The following CEP164 variants were observed in gnomAD, a reference collection of about 807,000 sequenced individuals.
The protein encoded by CEP164 is centrosomal protein of 164 kDa.
Under a neutral mutation model 182.7 loss-of-function variants are expected in CEP164, and 162 were observed. The observed-to-expected ratio is 0.89, with a 90% CI of 0.78 to 1.01. CEP164 has a LOEUF of 1.01. Ranked by LOEUF, CEP164 falls within the 50% of genes least tolerant of loss-of-function variation. CEP164 has a pLI of 0.00. For missense variants in CEP164, 1,735 were observed against 1,790.4 expected (o/e 0.97, Z 0.56); for synonymous variants, 661 against 690.0 (o/e 0.96, Z 0.66).
intron 15 of CEP164, among the ~76,000 whole-genome samples, chr11:117,388,289 T>G (rs1261147454): frequency 6.6e-6 from 1 of 152,246 alleles, no homozygotes; most frequent in Non-Finnish European, 1.5e-5. Context: ...TGGGGAAGAC[T>G]GGCATGCTAG....
At chr11:117,398,347 T>C (rs777969137) in intron 27 of CEP164, among the ~76,000 whole-genome samples, 2 of 152,212 alleles carry the variant, frequency 1.3e-5, no homozygotes, top group African/African-American at 2.4e-5. Context: ...GAGGCTGGCA[T>C]TGAGTATCTG....
chr11:117,345,344 G>A (rs763999810), intron 4 of CEP164, among the ~76,000 whole-genome samples: 2 of 152,100 alleles, frequency 1.3e-5, no homozygotes, highest in Non-Finnish European at 2.9e-5. Context: ...ACTGCTCTCC[G>A]TGTTCTCCAT....
Position 117,390,865 on chromosome 11 carries a change from G to T in CEP164, c.2023G>T (p.Ala675Ser). ...EESQRLSWLR[A>S]QVQSSTQADE... ...AAGCCAGAGGCTATCCTGGCTCCGA[G>T]CTCAGGTCCAGTCCAGCACACAAGC... Residue 675 changes from alanine to serine, a missense_variant, in exon 16 of 33, where the codon GCT becomes TCT. Transcript: ENST00000278935. 2 of 1,613,826 alleles carry T rather than the reference G, an allele frequency of 1.2e-6. No individual in the cohort carries two copies. Among genetic ancestry groups the T allele is most frequent in the Non-Finnish European group, 1.7e-6 (2 of 1,180,004 alleles).
chr11:117,364,471 G>A (rs2041389358), intron 8 of CEP164, among the ~76,000 whole-genome samples: 1 of 152,016 alleles, frequency 6.6e-6, no homozygotes, highest in South Asian at 2.1e-4. Context: ...GGTGTCTCAG[G>A]CCACTTGAAG....
At position 117,412,153 on chromosome 11, in the gene CEP164, G is replaced by A; in HGVS notation, c.4368G>A (p.Lys1456=). 1 of 1,614,126 alleles carries A rather than the reference G, an allele frequency of 6.2e-7. No individual in the cohort carries two copies. Among genetic ancestry groups the A allele is most frequent in the Non-Finnish European group, 8.5e-7 (1 of 1,179,994 alleles). The change falls in exon 33 of 33, where the codon AAG becomes AAA. Residue 1456 remains lysine, a synonymous_variant. Coordinates refer to ENST00000278935, the MANE Select transcript of CEP164 (RefSeq NM_014956.5). ...QLGLDEHNRV[K]VYRF Reference sequence around the variant, plus strand: ...GCCTTGATGAGCACAACAGAGTGAAGGTGTATCGCTTCTGAGGCCCTGAGC... The same window carrying A: ...GCCTTGATGAGCACAACAGAGTGAAAGTGTATCGCTTCTGAGGCCCTGAGC...
In CEP164 at chr11:117,394,917, C is replaced by A; in HGVS notation, c.2761-3C>A. On this transcript the variant is annotated splice_region_variant and splice_polypyrimidine_tract_variant and intron_variant, in intron 21 of 32. Coordinates refer to ENST00000278935, the MANE Select transcript of CEP164 (RefSeq NM_014956.5). This position sits in a 1 kb window ranked among gnomAD's most constrained non-coding sequence, Gnocchi z 4.0. ...ATGCTTATGTGTTTCCCTTTCTGGG[C>A]AGGAAAGGAAGCTCCAGGATTTAGA... The A allele has an allele frequency of 6.2e-7, 1 of 1,613,932 alleles. No individual in the cohort carries two copies. The highest frequency in any genetic ancestry group is 8.5e-7 in the Non-Finnish European group (1 of 1,179,892).
chr11:117,374,791 C>T (rs902339175), intron 10 of CEP164, among the ~76,000 whole-genome samples: 4 of 152,226 alleles, frequency 2.6e-5, no homozygotes, highest in Non-Finnish European at 5.9e-5. Context: ...TTTTTCTTCT[C>T]TATGGAAGTA....
intron 5 of CEP164, among the ~76,000 whole-genome samples, chr11:117,357,799 T>C (rs1279200048): frequency 6.6e-6 from 1 of 152,064 alleles, no homozygotes; most frequent in Non-Finnish European, 1.5e-5. Flanking sequence ...GCTCTTTGCC[T>C]CCTAGGGTCC....
At chr11:117,404,602 G>A (rs545191831) in intron 27 of CEP164, among the ~76,000 whole-genome samples, 3 of 152,344 alleles carry the variant, frequency 2.0e-5, no homozygotes, top group African/African-American at 7.2e-5. Context: ...CCTGCTAGGC[G>A]GTGTCTCCCA....
At chr11:117,336,757 G>A in intron 2 of CEP164, 2 of 621,810 alleles carry the variant, frequency 3.2e-6, no homozygotes, top group Non-Finnish European at 5.8e-6. Context: ...TGCTCCAGGA[G>A]GAACAGTGGC....
intron 14 of CEP164, chr11:117,386,961 A>G: frequency 2.0e-6 from 1 of 509,326 alleles, no homozygotes; most frequent in South Asian, 2.6e-5. Flanking sequence ...GTCTGCTGAG[A>G]GCCTGCTATG....
At chr11:117,365,767 AC>A (rs575497734) in intron 8 of CEP164, among the ~76,000 whole-genome samples, 68 of 152,052 alleles carry the variant, frequency 4.5e-4, no homozygotes, top group Middle Eastern at 6.8e-3. Flanking sequence ...TTTAGTAGAT[AC>A]GGGGTTTCAC....
intron 10 of CEP164, 66 bp from the exon 11 acceptor site, chr11:117,375,642 A>G (rs1164250758): frequency 7.3e-7 from 1 of 1,360,596 alleles, no homozygotes; most frequent in African/African-American, 1.4e-5. Flanking sequence ...TGGGGTAGTG[A>G]AGAGGCCTGG....
At chr11:117,400,995 T>C (rs1388513734) in intron 27 of CEP164, among the ~76,000 whole-genome samples, 2 of 152,210 alleles carry the variant, frequency 1.3e-5, no homozygotes, top group Non-Finnish European at 2.9e-5. Flanking sequence ...TCTTGCCTGA[T>C]TGCCCTGGCC....
chr11:117,355,517 G>T (rs1418033327), intron 5 of CEP164: 1 of 1,286,036 alleles, frequency 7.8e-7, no homozygotes, highest in Non-Finnish European at 1.0e-6. Flanking sequence ...CCCTGGAGGG[G>T]ACAAGGGCCA....
chr11:117,381,972 T>G, intron 13 of CEP164, 104 bp downstream of exon 13: 2 of 1,036,360 alleles, frequency 1.9e-6, no homozygotes, highest in Non-Finnish European at 2.6e-6. Context: ...TGGGGTTGGC[T>G]TGGGGAGGGA....
chr11:117,382,762 G>T, intron 13 of CEP164, 34 bp from the exon 14 acceptor site: 1 of 1,608,756 alleles, frequency 6.2e-7, no homozygotes, highest in Non-Finnish European at 8.5e-7. Context: ...TTTCTTACTG[G>T]CTTTAACACA....
chr11:117,410,420 T>C (rs1406572411), intron 30 of CEP164: 4 of 284,458 alleles, frequency 1.4e-5, no homozygotes, highest in Non-Finnish European at 2.7e-5. Context: ...TTTCAGAGAG[T>C]TTAAGTAGTA....
intron 5 of CEP164, among the ~76,000 whole-genome samples, chr11:117,354,321 G>A (rs2040052912): frequency 6.6e-6 from 1 of 152,120 alleles, no homozygotes; most frequent in Non-Finnish European, 1.5e-5. Flanking sequence ...CACGGCTCAA[G>A]GTTGGTGCAT....
Sources: allele counts gnomAD v4.1 joint callset (sites outside exome capture counted in the v4.1 genomes callset), GRCh38; gene constraint gnomAD v4.1.1; non-coding constraint Gnocchi (gnomAD v3.1); transcripts MANE v1.5; gene names NCBI Gene and HGNC (gene_info 2026-07-23, HGNC 2026-07-21).